RABGAP1: variants seen among roughly 807,000 people sequenced by gnomAD.
RABGAP1 encodes the protein RAB GTPase activating protein 1.
In RABGAP1, 23 loss-of-function variants were observed where a neutral mutation model predicts 137.6. The observed-to-expected ratio is 0.17, with a 90% CI of 0.12 to 0.24. The LOEUF (loss-of-function observed/expected upper bound fraction) is 0.24, where lower values mean the gene tolerates loss of function less well. Ranked by LOEUF, RABGAP1 falls within the 10% of genes least tolerant of loss-of-function variation. The pLI is 1.00. For synonymous variants in RABGAP1, 451 were observed against 450.7 expected, an observed-to-expected ratio of 1.00 and a Z score of -0.01; for missense variants, 906 against 1,275.8, an observed-to-expected ratio of 0.71 and a Z score of 4.42.
chr9:123,035,505 A>C (rs2032586739), intron 13 of RABGAP1: 1 of 1,614,044 alleles, frequency 6.2e-7, no homozygotes, highest in Non-Finnish European at 8.5e-7. Context: ...TATTCCAAAG[A>C]GGACTAAAGC....
chr9:123,026,544 T>A (rs2031981048), intron 13 of RABGAP1, among the ~76,000 whole-genome samples: 1 of 152,186 alleles, frequency 6.6e-6, no homozygotes, highest in South Asian at 2.1e-4. Flanking sequence ...CAAGCACCCC[T>A]GGTAGTCTTT....
At chr9:123,026,640 A>T (rs1052828387) in intron 13 of RABGAP1, among the ~76,000 whole-genome samples, 1 of 152,176 alleles carries the variant, frequency 6.6e-6, no homozygotes, top group Non-Finnish European at 1.5e-5. Flanking sequence ...CTTAATAAGT[A>T]ATCCACAGAG....
At chr9:122,982,213 G>A (rs1410759258) in intron 2 of RABGAP1, among the ~76,000 whole-genome samples, 1 of 152,166 alleles carries the variant, frequency 6.6e-6, no homozygotes, top group Non-Finnish European at 1.5e-5. Flanking sequence ...TCTTACCACT[G>A]TTTTGTGTAT....
chr9:122,988,498 G>T (rs1185111663), intron 4 of RABGAP1, among the ~76,000 whole-genome samples: 5 of 54,318 alleles, frequency 9.2e-5, no homozygotes, highest in Non-Finnish European at 2.2e-4. Flanking sequence ...TTTTATTCAT[G>T]ATTTTTTTTT....
intron 18 of RABGAP1, 126 bp from the exon 19 acceptor site, chr9:123,076,508 T>C: frequency 8.2e-7 from 1 of 1,216,302 alleles, no homozygotes; most frequent in East Asian, 2.5e-5. Flanking sequence ...CAGGTGGCTC[T>C]GACAAAAGCT....
At chr9:123,092,776 G>T (rs898983871) in intron 21 of RABGAP1, among the ~76,000 whole-genome samples, 10 of 152,174 alleles carry the variant, frequency 6.6e-5, no homozygotes, top group Non-Finnish European at 1.5e-5. Flanking sequence ...ATATAATTAT[G>T]ATCCCCATTT....
At position 122,998,760 on chromosome 9, in the gene RABGAP1, A is replaced by G. The variant is rs185397921; in HGVS notation, c.1368A>G (p.Leu456=). 1.6e-5 allele frequency: 26 copies of G among 1,587,126 alleles called. No individual in the cohort carries two copies. The highest frequency in any genetic ancestry group is 1.1e-4 in the African/African-American group (8 of 74,092). The part of the protein sequence containing the change: ...RSTTENFFLK[L]KQIKQRERKN... ...CTACTGAAAATTTCTTTTTGAAACTAAAACAGGTACTGTATTTTTCTATTA... is the reference window on the plus strand; with the variant it reads ...CTACTGAAAATTTCTTTTTGAAACTGAAACAGGTACTGTATTTTTCTATTA... The change falls in exon 10 of 26, where the codon CTA becomes CTG. Residue 456 remains leucine (L), a synonymous_variant. Transcript: ENST00000373647.
chr9:123,102,113 A>G (rs1437057788), intron 25 of RABGAP1, among the ~76,000 whole-genome samples: 1 of 152,238 alleles, frequency 6.6e-6, no homozygotes, highest in Non-Finnish European at 1.5e-5. Context: ...AATGGAAATG[A>G]TGAGAGTCCC....
At position 123,008,735 on chromosome 9, in the gene RABGAP1, G is replaced by GA. The variant is rs2030534338; in HGVS notation, c.1375-1619_1375-1618insA. 2.0e-5 allele frequency among the ~76,000 whole-genome samples: 3 copies of GA among 152,126 alleles called. No individual in the cohort carries two copies. In the East Asian group the frequency reaches 5.8e-4, roughly 29 times the overall value. On this transcript the variant is annotated intron_variant, in intron 10 of 25. Coordinates refer to ENST00000373647, the MANE Select transcript of RABGAP1 (RefSeq NM_012197.4). The stretch of plus-strand genomic sequence containing the variant: ...AACATGTATCAAATATTCTAATTCA[G>GA]TGTATTAATTAATGAGAGAACCAGA...
At chr9:123,090,481 C>A in intron 21 of RABGAP1, 96 bp downstream of exon 21, 1 of 1,016,196 alleles carries the variant, frequency 9.8e-7, no homozygotes, top group Non-Finnish European at 1.4e-6. Context: ...TTATTCTAGC[C>A]ACCTGTAAAG....
chr9:123,097,956 C>A, intron 22 of RABGAP1, 111 bp downstream of exon 22: 1 of 855,564 alleles, frequency 1.2e-6, no homozygotes, highest in Non-Finnish European at 1.8e-6. Flanking sequence ...GCTTCAGTTT[C>A]TTTCCAAAGA....
At chr9:122,973,237 G>A (rs1487569029) in intron 2 of RABGAP1, among the ~76,000 whole-genome samples, 1 of 152,062 alleles carries the variant, frequency 6.6e-6, no homozygotes, top group Non-Finnish European at 1.5e-5. Context: ...AGAAAGATCA[G>A]TTACTTTTTT....
intron 13 of RABGAP1, among the ~76,000 whole-genome samples, chr9:123,030,331 A>G (rs183454779): frequency 3.3e-5 from 5 of 152,336 alleles, no homozygotes; most frequent in East Asian, 1.9e-4. Context: ...TGCTAAATCA[A>G]TATGGTTCTG....
intron 13 of RABGAP1, among the ~76,000 whole-genome samples, chr9:123,025,988 CT>C (rs1413903136): frequency 1.4e-5 from 2 of 143,468 alleles, no homozygotes; most frequent in Non-Finnish European, 3.0e-5. Context: ...GTTTTTCAAT[CT>C]TTTGGAAAAC....
intron 12 of RABGAP1, among the ~76,000 whole-genome samples, chr9:123,017,640 T>C (rs957113783): frequency 2.1e-4 from 32 of 152,330 alleles, no homozygotes; most frequent in African/African-American, 7.5e-4. Flanking sequence ...ACTTAACTCT[T>C]TTGAGTCTGT....
At chr9:123,058,606 G>A (rs907059004) in intron 13 of RABGAP1, among the ~76,000 whole-genome samples, 5 of 152,068 alleles carry the variant, frequency 3.3e-5, no homozygotes, top group Non-Finnish European at 5.9e-5. Flanking sequence ...TTATGTTTGG[G>A]AAAGAGATTT....
chr9:123,010,604 TG>T, intron 11 of RABGAP1, 76 bp downstream of exon 11: 1 of 1,321,306 alleles, frequency 7.6e-7, no homozygotes, highest in Non-Finnish European at 1.1e-6. Flanking sequence ...ATCAGGGGAT[TG>T]ATAATGTGAT....
At chr9:122,972,707 C>G (rs746856273) in intron 2 of RABGAP1, among the ~76,000 whole-genome samples, 19 of 150,764 alleles carry the variant, frequency 1.3e-4, no homozygotes, top group Middle Eastern at 6.8e-3. Context: ...TGTAGATGAG[C>G]AAAGGGTGCT....
In RABGAP1 at chr9:123,073,672, A is replaced by C; in HGVS notation, c.2104A>C (p.Met702Leu). 1.9e-6 allele frequency: 3 copies of C among 1,613,814 alleles called. No individual in the cohort carries two copies. The highest frequency in any genetic ancestry group is 1.7e-6 in the Non-Finnish European group (2 of 1,179,782). ...CAAATTTTACCAGTTGGAGCGCCTC[A>C]TGCAGGTAAAAAGAGAAACCAGCTT... ...HCKFYQLERL[M>L]QEYIPDLYNH... Residue 702 changes from methionine (M) to leucine (L), a missense_variant, in exon 16 of 26, where the codon ATG becomes CTG. Transcript: ENST00000373647.
Sources: allele counts gnomAD v4.1 joint callset (sites outside exome capture counted in the v4.1 genomes callset), GRCh38; gene constraint gnomAD v4.1.1; transcripts MANE v1.5; gene names NCBI Gene and HGNC (gene_info 2026-07-23, HGNC 2026-07-21).